Variants in CHCHD3 observed in about 807,000 individuals in gnomAD.
The protein encoded by CHCHD3 is coiled-coil-helix-coiled-coil-helix domain containing 3, also known as MICOS complex subunit MIC19.
In CHCHD3, 20 loss-of-function variants were observed where a neutral mutation model predicts 38.2. The observed-to-expected ratio is 0.52, with a 90% CI of 0.37 to 0.76. The LOEUF is 0.76. Among genes scored for constraint, CHCHD3 ranks in the 30% least tolerant of loss-of-function variants. The pLI, the probability that CHCHD3 is intolerant of heterozygous loss-of-function variation, is 0.00. For missense variants in CHCHD3, 245 were observed against 279.2 expected, an observed-to-expected ratio of 0.88 and a Z score of 0.87; for synonymous variants, 82 against 100.0, an observed-to-expected ratio of 0.82 and a Z score of 1.07.
chr7:133,067,980 G>A (rs1320214963), intron 2 of CHCHD3, among the ~76,000 whole-genome samples: 1 of 152,122 alleles, frequency 6.6e-6, no homozygotes, highest in Non-Finnish European at 1.5e-5. Flanking sequence ...GCCGGGCGTG[G>A]TGGTGGGAGC....
chr7:132,829,465 T>C (rs1807585744), intron 6 of CHCHD3, among the ~76,000 whole-genome samples: 1 of 152,146 alleles, frequency 6.6e-6, no homozygotes, highest in African/African-American at 2.4e-5. Context: ...GACAGAATGA[T>C]TTGTTAGCTC....
At chr7:132,927,970 T>C (rs572957431) in intron 4 of CHCHD3, among the ~76,000 whole-genome samples, 5 of 152,284 alleles carry the variant, frequency 3.3e-5, no homozygotes, top group Admixed American at 6.5e-5. Context: ...AGTTGTGAAA[T>C]AGGCCCCATA....
At chr7:132,841,889 A>G (rs528991212) in intron 5 of CHCHD3, among the ~76,000 whole-genome samples, 3 of 152,126 alleles carry the variant, frequency 2.0e-5, no homozygotes, top group African/African-American at 7.2e-5. Context: ...CAAGGTCAGG[A>G]GTTCGAGACC....
At chr7:132,920,809 A>C (rs1393149389) in intron 4 of CHCHD3, among the ~76,000 whole-genome samples, 1 of 152,094 alleles carries the variant, frequency 6.6e-6, no homozygotes, top group East Asian at 1.9e-4. Flanking sequence ...TTTTTTAAGT[A>C]GTCTCAGATC....
chr7:132,807,934 T>C (rs1282612328), intron 6 of CHCHD3, among the ~76,000 whole-genome samples: 1 of 151,990 alleles, frequency 6.6e-6, no homozygotes, highest in African/African-American at 2.4e-5. Flanking sequence ...TCCCTCTAGA[T>C]GCCTGGGCAC....
Position 132,988,762 on chromosome 7 carries a change from T to A in CHCHD3, c.252-13476A>T, listed in dbSNP as rs183488672. Among the ~76,000 whole-genome samples the A allele has an allele frequency of 0.016, 2,465 of 150,768 alleles. 137 individuals are homozygous for A. In the East Asian group the frequency reaches 0.16, roughly 10 times the overall value. ...GCCCCCATCTCTAACAAAAAAAAAT[T>A]TTTTTATCAGTCAGGTGTGGTGGCA... On this transcript the variant is annotated intron_variant, in intron 3 of 7. Transcript: ENST00000262570.
intron 4 of CHCHD3, among the ~76,000 whole-genome samples, chr7:132,896,653 A>G (rs892703475): frequency 3.9e-5 from 6 of 152,244 alleles, no homozygotes; most frequent in Admixed American, 2.6e-4. Context: ...TAACACAAGC[A>G]GTCTTATCTT....
chr7:132,984,009 T>TCTCCCCACGGTCTCCCC, intron 3 of CHCHD3, among the ~76,000 whole-genome samples: 1 of 151,356 alleles, frequency 6.6e-6, no homozygotes, highest in African/African-American at 2.4e-5. Context: ...ACGGTCTCCC[T>TCTCCCCACGGTCTCCCC]CTCCCCACGG....
Position 133,035,478 on chromosome 7 carries a change from G to A in CHCHD3, c.170-10851C>T, listed in dbSNP as rs779822411. On this transcript the variant is annotated intron_variant, in intron 2 of 7. Transcript: ENST00000262570. The surrounding 1 kb of genome is among the most constrained non-coding windows in gnomAD (Gnocchi z 4.7). ...TCGTTCGCCCACCAGAAAAGTCCTC[G>A]TCTTCAAGTAAGCATCCAGCAGCCC... 4 of 1,613,346 alleles carry A rather than the reference G, an allele frequency of 2.5e-6. No individual in the cohort carries two copies. Among genetic ancestry groups the A allele is most frequent in the Admixed American group, 1.7e-5 (1 of 59,990 alleles).
intron 4 of CHCHD3, among the ~76,000 whole-genome samples, chr7:132,898,545 C>G (rs980731747): frequency 6.6e-6 from 1 of 152,246 alleles, no homozygotes; most frequent in Non-Finnish European, 1.5e-5. Context: ...TGGCTTCACC[C>G]AGTGGATCCC....
intron 6 of CHCHD3, chr7:132,815,410 C>G: frequency 3.0e-6 from 1 of 332,472 alleles, no homozygotes; most frequent in Non-Finnish European, 5.9e-6. Context: ...TTATTAATTA[C>G]AAAGGAAATG....
At chr7:132,946,338 C>T (rs1810902300) in intron 4 of CHCHD3, among the ~76,000 whole-genome samples, 1 of 151,822 alleles carries the variant, frequency 6.6e-6, no homozygotes, top group South Asian at 2.1e-4. Context: ...CCAAGCAGTG[C>T]CTGGTCCATA....
At position 132,961,432 on chromosome 7, in the gene CHCHD3, C is replaced by T. The variant is rs188766103; in HGVS notation, c.369+13737G>A. On this transcript the variant is annotated intron_variant, in intron 4 of 7. Coordinates refer to ENST00000262570, the MANE Select transcript of CHCHD3 (RefSeq NM_017812.4). ...GGGTCACTTAATTATTTTTTCCCAC[C>T]GGTTCTTTATTTTTCCCCAGTTTTA... 3.9e-5 allele frequency among the ~76,000 whole-genome samples: 6 copies of T among 152,264 alleles called. No individual in the cohort carries two copies. The East Asian group carries it at 5.8e-4, about 15-fold the overall frequency.
At chr7:132,929,640 C>T (rs1247325072) in intron 4 of CHCHD3, among the ~76,000 whole-genome samples, 1 of 152,098 alleles carries the variant, frequency 6.6e-6, no homozygotes, top group African/African-American at 2.4e-5. Context: ...CAATATGAAA[C>T]ATAACTTGTC....
At chr7:132,803,410 AAAC>A (rs1806837910) in intron 6 of CHCHD3, among the ~76,000 whole-genome samples, 1 of 151,964 alleles carries the variant, frequency 6.6e-6, no homozygotes, top group Non-Finnish European at 1.5e-5. Context: ...TGACTTCGTA[AAAC>A]AACTGTTTAA....
At position 132,982,550 on chromosome 7, in the gene CHCHD3, G is replaced by A. The variant is rs180932739; in HGVS notation, c.252-7264C>T. 3.2e-3 allele frequency among the ~76,000 whole-genome samples: 495 copies of A among 152,320 alleles called. 3 individuals are homozygous for A. The South Asian group carries it at 0.037, about 12-fold the overall frequency. On this transcript the variant is annotated intron_variant, in intron 3 of 7. Transcript: ENST00000262570. ...TCCACCCACCTCAGCCTCCCAGAGTGCTAGGATTACAGGCGAAAGCCACCA... is the reference window on the plus strand; with the variant it reads ...TCCACCCACCTCAGCCTCCCAGAGTACTAGGATTACAGGCGAAAGCCACCA...
chr7:132,837,596 C>T (rs1324836981), intron 6 of CHCHD3, among the ~76,000 whole-genome samples: 1 of 152,224 alleles, frequency 6.6e-6, no homozygotes, highest in Non-Finnish European at 1.5e-5. Context: ...AGTAATTCCA[C>T]CTTAGGGTTT....
intron 5 of CHCHD3, among the ~76,000 whole-genome samples, chr7:132,854,136 A>G (rs1307915138): frequency 6.6e-6 from 1 of 152,216 alleles, no homozygotes; most frequent in Non-Finnish European, 1.5e-5. Context: ...TGCCTTTCGA[A>G]TGTACTCTGA....
intron 2 of CHCHD3, among the ~76,000 whole-genome samples, chr7:133,052,842 G>A (rs1379602760): frequency 2.0e-5 from 3 of 152,204 alleles, no homozygotes; most frequent in African/African-American, 7.2e-5. Flanking sequence ...CTTCAGGGGT[G>A]CCATAGCTCA....
Sources: allele counts gnomAD v4.1 joint callset (sites outside exome capture counted in the v4.1 genomes callset), GRCh38; gene constraint gnomAD v4.1.1; non-coding constraint Gnocchi (gnomAD v3.1); transcripts MANE v1.5; gene names NCBI Gene and HGNC (gene_info 2026-07-23, HGNC 2026-07-21).